ARAP2: variants seen among roughly 807,000 people sequenced by gnomAD.
ARAP2 encodes arf-GAP with Rho-GAP domain, ANK repeat and PH domain-containing protein 2.
ARAP2 carries 148 observed loss-of-function variants against 194.5 expected under a neutral mutation model. The observed-to-expected ratio is 0.76, with a 90% CI of 0.67 to 0.87. The LOEUF (loss-of-function observed/expected upper bound fraction) is 0.87. Ranked by LOEUF, ARAP2 falls within the 40% of genes least tolerant of loss-of-function variation. ARAP2 has a pLI of 0.00. For synonymous variants in ARAP2, 695 were observed against 683.5 expected, an observed-to-expected ratio of 1.02 and a Z score of -0.26; for missense variants, 2,128 against 1,989.7, an observed-to-expected ratio of 1.07 and a Z score of -1.32.
intron 1 of ARAP2, among the ~76,000 whole-genome samples, chr4:36,230,415 G>C (rs1404625095): frequency 6.6e-6 from 1 of 152,042 alleles, no homozygotes; most frequent in East Asian, 1.9e-4. Context: ...CATAAAAACA[G>C]GCAGCATTGT....
At chr4:36,212,964 T>C (rs894559805) in intron 4 of ARAP2, among the ~76,000 whole-genome samples, 1 of 152,086 alleles carries the variant, frequency 6.6e-6, no homozygotes, top group Non-Finnish European at 1.5e-5. Flanking sequence ...TTAAGTTTTA[T>C]ACAGTTTGTC....
intron 9 of ARAP2, among the ~76,000 whole-genome samples, chr4:36,176,216 C>T (rs754756292): frequency 5.1e-5 from 6 of 118,372 alleles, no homozygotes; most frequent in African/African-American, 1.9e-4. Flanking sequence ...TTACTTAATC[C>T]TCATTTTCCT....
chr4:36,126,935 T>C (rs1724070595), intron 21 of ARAP2, among the ~76,000 whole-genome samples: 1 of 152,048 alleles, frequency 6.6e-6, no homozygotes, highest in Non-Finnish European at 1.5e-5. Flanking sequence ...ATTCCTGGGC[T>C]CATGTGATCC....
chr4:36,034,467 T>C (rs907224353), intron 5 of ARAP2, among the ~76,000 whole-genome samples: 2 of 152,156 alleles, frequency 1.3e-5, no homozygotes, highest in South Asian at 2.1e-4. Context: ...TGTATAGGAA[T>C]GCTAGTGATT....
intron 22 of ARAP2, 22 bp downstream of exon 22, chr4:36,124,839 GA>G: frequency 6.8e-7 from 1 of 1,471,866 alleles, no homozygotes; most frequent in Non-Finnish European, 9.4e-7. Context: ...GAAATGTCGA[GA>G]AAAGTTCATT....
chr4:36,151,030 A>G lies in ARAP2; in HGVS notation c.2767T>C (p.Trp923Arg). 1 of 1,595,562 alleles carries G rather than the reference A, an allele frequency of 6.3e-7. No individual in the cohort carries two copies. Among genetic ancestry groups the G allele is most frequent in the Non-Finnish European group, 8.5e-7 (1 of 1,174,368 alleles). ...AAGAAGCCTCCTTCCAAAACACACC[A>G]TTTTTTATTTGTCTCTAAGAATTTG... is the stretch of plus-strand genomic sequence containing the variant. ...KKLLEETNKK[W>R]CVLEGGFLSY... Residue 923 changes from tryptophan (W) to arginine (R), a missense_variant, in exon 16 of 33, where the codon TGG becomes CGG. Trp to Arg is a moderately radical substitution (Grantham distance 101). Coordinates refer to ENST00000303965, the MANE Select transcript of ARAP2 (RefSeq NM_015230.4).
At chr4:36,152,244 G>A (rs548525529) in intron 15 of ARAP2, among the ~76,000 whole-genome samples, 1 of 152,268 alleles carries the variant, frequency 6.6e-6, no homozygotes, top group African/African-American at 2.4e-5. Flanking sequence ...AAAGTTAACA[G>A]AGACCAAAGC....
chr4:36,094,610 A>G (rs1714686617), intron 27 of ARAP2, among the ~76,000 whole-genome samples: 1 of 152,190 alleles, frequency 6.6e-6, no homozygotes, highest in African/African-American at 2.4e-5. Context: ...ACACAACAGA[A>G]AGGGAAAAGG....
At chr4:36,096,784 C>T (rs2109410472) in intron 27 of ARAP2, among the ~76,000 whole-genome samples, 1 of 152,106 alleles carries the variant, frequency 6.6e-6, no homozygotes, top group Non-Finnish European at 1.5e-5. Context: ...TTCAATTCCA[C>T]AGAGAAATAT....
intron 5 of ARAP2, among the ~76,000 whole-genome samples, chr4:36,021,331 G>A (rs796524967): frequency 3.9e-4 from 60 of 152,162 alleles, no homozygotes; most frequent in African/African-American, 1.1e-3. Context: ...TTGGATCTTC[G>A]TCCCCCATTC....
At chr4:36,183,368 G>T (rs560100800) in intron 8 of ARAP2, among the ~76,000 whole-genome samples, 2 of 152,176 alleles carry the variant, frequency 1.3e-5, no homozygotes, top group African/African-American at 4.8e-5. Context: ...TCTAAAAGCA[G>T]AACTGAGAGA....
intron 27 of ARAP2, 117 bp from the exon 28 acceptor site, chr4:36,092,137 A>C: frequency 8.4e-7 from 1 of 1,194,480 alleles, no homozygotes; most frequent in Non-Finnish European, 1.1e-6. Context: ...ACTACCGCTA[A>C]AGTCTAAGGT....
intron 11 of ARAP2, 110 bp downstream of exon 11, chr4:36,164,804 T>C (rs1237251202): frequency 9.6e-7 from 1 of 1,039,946 alleles, no homozygotes; most frequent in Non-Finnish European, 1.4e-6. Context: ...AAGCTTTCTC[T>C]GGTTTTACTT....
intron 32 of ARAP2, 131 bp downstream of exon 32, chr4:36,073,558 A>G (rs1577746777): frequency 9.3e-7 from 1 of 1,078,236 alleles, no homozygotes; most frequent in African/African-American, 1.6e-5. Context: ...GTATGTGATT[A>G]TTACCATGCT....
At position 36,071,311 on chromosome 4, in the gene ARAP2, C is replaced by T. The variant is rs145744226; in HGVS notation, c.4743+2378G>A. ...TGCTTACAGATAAAGCAGCTTAGAACGATGGCGTTAAAGTAAGATATCCAT... is the reference window on the plus strand; with the variant it reads ...TGCTTACAGATAAAGCAGCTTAGAATGATGGCGTTAAAGTAAGATATCCAT... On this transcript the variant is annotated intron_variant, in intron 32 of 32. Transcript: ENST00000303965. 4.2e-3 allele frequency among the ~76,000 whole-genome samples: 638 copies of T among 152,186 alleles called. 1 individual carries two copies. Among genetic ancestry groups the T allele is most frequent in the African/African-American group, 0.015 (614 of 41,518 alleles).
In ARAP2 at chr4:36,067,229, T is replaced by C. The variant is rs1725681477; in HGVS notation, c.*678A>G. ...AGAGTGGCTAGTGCTATTATTTACATCTGTTGGCCGAATATTACTCTTGAG... is the reference window on the plus strand; with the variant it reads ...AGAGTGGCTAGTGCTATTATTTACACCTGTTGGCCGAATATTACTCTTGAG... On this transcript the variant is annotated 3_prime_UTR_variant, in exon 33 of 33. Coordinates refer to ENST00000303965, the MANE Select transcript of ARAP2 (RefSeq NM_015230.4). The C allele has an allele frequency of 6.6e-6, 1 of 152,626 alleles. No homozygotes were observed. The highest frequency in any genetic ancestry group is 2.4e-5 in the African/African-American group (1 of 41,454). 9.5% of individuals were successfully genotyped at this position (152,626 alleles called of 1,614,324 possible). A position where few individuals can be genotyped will look rare whatever the true frequency, so the allele number is the denominator to read the frequency against.
intron 1 of ARAP2, chr4:36,243,921 C>T (rs6531424): frequency 0.49 from 75,049 of 152,062 alleles, 20,778 homozygotes; most frequent in African/African-American, 0.76. Flanking sequence ...AGGGAGTGTC[C>T]AGCTGTCTAT....
chr4:36,149,304 C>T (rs1391632868), intron 16 of ARAP2, among the ~76,000 whole-genome samples: 1 of 135,258 alleles, frequency 7.4e-6, no homozygotes, highest in Non-Finnish European at 1.7e-5. Context: ...TTAACATCAA[C>T]TCTTGTCCAG....
intron 27 of ARAP2, among the ~76,000 whole-genome samples, chr4:36,104,051 G>A (rs1374046985): frequency 6.6e-6 from 1 of 151,918 alleles, no homozygotes; most frequent in African/African-American, 2.4e-5. Context: ...TAAATGTAGG[G>A]ACAGAGTAAA....
Sources: gnomAD v4.1 joint callset for allele counts (sites outside exome capture counted in the v4.1 genomes callset) on GRCh38, gnomAD v4.1.1 for gene constraint, MANE v1.5 for transcripts, NCBI Gene and HGNC (gene_info 2026-07-23, HGNC 2026-07-21) for gene names.